Variants in LRRFIP1 observed in about 807,000 individuals in gnomAD.
The protein encoded by LRRFIP1 is LRR binding FLII interacting protein 1, also known as leucine-rich repeat flightless-interacting protein 1.
A neutral mutation model predicts 104.4 loss-of-function variants in LRRFIP1; 62 were observed. That is an observed-to-expected ratio of 0.59 (90% CI 0.48 to 0.73). The LOEUF is 0.73. LRRFIP1 is among the 30% of genes least tolerant of loss of function. The pLI is 0.00. For missense variants in LRRFIP1, 796 were observed against 824.5 expected, an observed-to-expected ratio of 0.97 and a Z score of 0.42; for synonymous variants, 300 against 299.0, an observed-to-expected ratio of 1.00 and a Z score of -0.03.
intron 1 of LRRFIP1, among the ~76,000 whole-genome samples, chr2:237,708,132 A>G (rs2093904250): frequency 6.6e-6 from 1 of 152,224 alleles, no homozygotes; most frequent in Admixed American, 6.5e-5. Context: ...ACTCTGCTCC[A>G]TGCATCTGTC....
At chr2:237,684,792 A>G (rs1206451768) in intron 1 of LRRFIP1, among the ~76,000 whole-genome samples, 3 of 152,088 alleles carry the variant, frequency 2.0e-5, no homozygotes, top group African/African-American at 4.8e-5. Context: ...TGTCTTCATG[A>G]AAAACAAAAT....
At chr2:237,633,794 C>T (rs1409813014) in intron 1 of LRRFIP1, among the ~76,000 whole-genome samples, 1 of 152,170 alleles carries the variant, frequency 6.6e-6, no homozygotes, top group Non-Finnish European at 1.5e-5. Context: ...CAGTTCATGG[C>T]CCAGGCTGCT....
At position 237,627,618 on chromosome 2, in the gene LRRFIP1, C is replaced by G; in HGVS notation, c.-27C>G. The G allele has an allele frequency of 7.9e-7, 1 of 1,263,186 alleles. No homozygotes were observed. The allele number at this position is 1,263,186 out of a possible 1,614,324, so 78.2% of individuals were successfully genotyped here. Reference sequence around the variant, plus strand: ...GCGCGAGCGGCTGGAGCAACGGGCCCCGCGGCAGCTGCGGGCGACGCGGTC... The same window carrying G: ...GCGCGAGCGGCTGGAGCAACGGGCCGCGCGGCAGCTGCGGGCGACGCGGTC... On this transcript the variant is annotated 5_prime_UTR_variant, in exon 1 of 24. Coordinates refer to ENST00000308482, the MANE Select transcript of LRRFIP1 (RefSeq NM_001137550.2).
chr2:237,688,441 C>CTTTTTTTTTTTT (rs5839674), intron 1 of LRRFIP1, among the ~76,000 whole-genome samples: 1 of 132,510 alleles, frequency 7.5e-6, no homozygotes, highest in African/African-American at 2.8e-5. Flanking sequence ...GATGGACCCC[C>CTTTTTTTTTTTT]TTTTTTTTTT....
chr2:237,745,611 G>A (rs576086673), intron 11 of LRRFIP1, among the ~76,000 whole-genome samples: 1 of 152,262 alleles, frequency 6.6e-6, no homozygotes. Context: ...CAAAATCAAG[G>A]TTTGTGGACC....
Position 237,707,483 on chromosome 2 carries a change from A to G in LRRFIP1, c.97-1061A>G, listed in dbSNP as rs190213693. Reference sequence around the variant, plus strand: ...AAAGAAAAAAAAAAAAAAGGAAGAAAAAAAGGAAAAGATTATGTAAGACGT... The same window carrying G: ...AAAGAAAAAAAAAAAAAAGGAAGAAGAAAAGGAAAAGATTATGTAAGACGT... On this transcript the variant is annotated intron_variant, in intron 1 of 23. Coordinates refer to ENST00000308482, the MANE Select transcript of LRRFIP1 (RefSeq NM_001137550.2). Among the ~76,000 whole-genome samples, 1,217 of 152,122 alleles carry G rather than the reference A, an allele frequency of 8.0e-3. 4 individuals are homozygous for G. The highest frequency in any genetic ancestry group is 0.014 in the Middle Eastern group (4 of 294).
At chr2:237,674,223 G>C (rs140605156) in intron 1 of LRRFIP1, among the ~76,000 whole-genome samples, 1 of 152,286 alleles carries the variant, frequency 6.6e-6, no homozygotes, top group African/African-American at 2.4e-5. Flanking sequence ...TGAACTGGGT[G>C]CCCATCAACA....
At chr2:237,685,121 C>A (rs376835354) in intron 1 of LRRFIP1, among the ~76,000 whole-genome samples, 765 of 65,344 alleles carry the variant, frequency 0.012, 11 homozygotes, top group African/African-American at 0.041. Flanking sequence ...CCCCCCCACA[C>A]AAAAAAACCC....
At position 237,703,182 on chromosome 2, in the gene LRRFIP1, G is replaced by C. The variant is rs548848756; in HGVS notation, c.97-5362G>C. ...GAGGGAAAGAATGACTCAACCTGCA[G>C]GCCGTCTGGGGTATGCACAGTCTCG... On this transcript the variant is annotated intron_variant, in intron 1 of 23. Transcript: ENST00000308482. The surrounding 1 kb of genome is among the most constrained non-coding windows in gnomAD (Gnocchi z 4.3). 2.0e-5 allele frequency among the ~76,000 whole-genome samples: 3 copies of C among 152,266 alleles called. No homozygotes were observed. Among genetic ancestry groups the C allele is most frequent in the East Asian group, 3.9e-4 (2 of 5,176 alleles).
At chr2:237,729,805 G>A (rs2094922579) in intron 8 of LRRFIP1, 1 of 985,314 alleles carries the variant, frequency 1.0e-6, no homozygotes, top group South Asian at 4.7e-5. Context: ...GGTGACAGCA[G>A]ATTCTCTACT....
chr2:237,632,697 A>G (rs1329102966), intron 1 of LRRFIP1, among the ~76,000 whole-genome samples: 2 of 152,152 alleles, frequency 1.3e-5, no homozygotes, highest in African/African-American at 2.4e-5. Context: ...GTTCTTTTCC[A>G]GAACAGCCCA....
chr2:237,730,059 C>T (rs1054842147), intron 8 of LRRFIP1, among the ~76,000 whole-genome samples: 1 of 152,104 alleles, frequency 6.6e-6, no homozygotes, highest in African/African-American at 2.4e-5. Context: ...CACACCAGCT[C>T]GAATGTGAAT....
chr2:237,689,442 A>T (rs1289303799), intron 1 of LRRFIP1, among the ~76,000 whole-genome samples: 2 of 152,148 alleles, frequency 1.3e-5, no homozygotes, highest in African/African-American at 4.8e-5. Flanking sequence ...TTTCTTTAAT[A>T]TGCTACTACT....
intron 19 of LRRFIP1, chr2:237,763,125 G>A: frequency 1.9e-6 from 3 of 1,614,220 alleles, no homozygotes; most frequent in African/African-American, 1.3e-5. Flanking sequence ...ACAGGGCATA[G>A]TTTAGAGAAA....
rs544844353 is a variant in LRRFIP1, at chr2:237,649,529, T to G, written c.96+21789T>G. Among the ~76,000 whole-genome samples, 20 of 151,944 alleles carry G rather than the reference T, an allele frequency of 1.3e-4. 1 individual carries two copies. Among genetic ancestry groups the G allele is most frequent in the African/African-American group, 4.3e-4 (18 of 41,524 alleles). ...CTGGGCAACCAAGAGAGATTCTGTC[T>G]CAAAAAAAAAGAACACTGTGGTGTG... On this transcript the variant is annotated intron_variant, in intron 1 of 23. Transcript: ENST00000308482. The surrounding 1 kb of genome is among the most constrained non-coding windows in gnomAD (Gnocchi z 4.1).
intron 4 of LRRFIP1, among the ~76,000 whole-genome samples, chr2:237,718,925 AAG>A (rs1219605168): frequency 6.6e-6 from 1 of 152,344 alleles, no homozygotes; most frequent in South Asian, 2.1e-4. Context: ...TGATATAAGA[AAG>A]AGAAAAAAAG....
At chr2:237,662,722 A>G (rs987543139) in intron 1 of LRRFIP1, among the ~76,000 whole-genome samples, 63 of 151,880 alleles carry the variant, frequency 4.1e-4, no homozygotes, top group East Asian at 5.8e-4. Context: ...AACATTAAAA[A>G]CTGGAACTGC....
intron 11 of LRRFIP1, among the ~76,000 whole-genome samples, chr2:237,747,222 C>T (rs1167005231): frequency 6.6e-6 from 1 of 152,178 alleles, no homozygotes; most frequent in Non-Finnish European, 1.5e-5. Context: ...CCATTTGATC[C>T]CTTAACTGGC....
intron 23 of LRRFIP1, 47 bp from the exon 24 acceptor site, chr2:237,779,375 G>T: frequency 6.3e-7 from 1 of 1,598,716 alleles, no homozygotes; most frequent in South Asian, 1.1e-5. Context: ...TGTTATGTTT[G>T]GAGGAAACAA....
Sources: gnomAD v4.1 joint callset for allele counts (sites outside exome capture counted in the v4.1 genomes callset) on GRCh38, gnomAD v4.1.1 for gene constraint, Gnocchi (gnomAD v3.1) non-coding constraint, MANE v1.5 for transcripts, NCBI Gene and HGNC (gene_info 2026-07-23, HGNC 2026-07-21) for gene names.